Variants in ERC2 observed in about 807,000 individuals in gnomAD.
The protein encoded by ERC2 is ERC protein 2.
Under a neutral mutation model 114.8 loss-of-function variants are expected in ERC2, and 42 were observed. The observed-to-expected ratio is 0.37, with a 90% CI of 0.29 to 0.47. ERC2 has a LOEUF of 0.47. ERC2 is among the 20% of genes least tolerant of loss of function. The probability of loss-of-function intolerance (pLI) is 0.99; values close to 1 mark genes in which losing one functional copy is unlikely to be tolerated. For missense variants in ERC2, 939 were observed against 1,150.7 expected (o/e 0.82, Z 2.66); for synonymous variants, 454 against 425.5 (o/e 1.07, Z -0.82).
intron 2 of ERC2, among the ~76,000 whole-genome samples, chr3:56,364,388 T>C (rs1216932496): frequency 6.6e-6 from 1 of 152,192 alleles, no homozygotes; most frequent in Non-Finnish European, 1.5e-5. Flanking sequence ...TGGTTAAAAA[T>C]TTTATGTCAA....
At chr3:55,967,718 G>A (rs1334086969) in intron 12 of ERC2, among the ~76,000 whole-genome samples, 1 of 152,166 alleles carries the variant, frequency 6.6e-6, no homozygotes, top group Non-Finnish European at 1.5e-5. Context: ...TGGAAGGTGG[G>A]GGCCTAATGG....
chr3:55,839,560 GA>G (rs1321951885), intron 14 of ERC2, among the ~76,000 whole-genome samples: 1 of 151,372 alleles, frequency 6.6e-6, no homozygotes, highest in African/African-American at 2.4e-5. Flanking sequence ...AAGACAGAAA[GA>G]AAAAAATGGA....
intron 17 of ERC2, among the ~76,000 whole-genome samples, chr3:55,512,856 A>C (rs1313891938): frequency 6.6e-6 from 1 of 152,238 alleles, no homozygotes; most frequent in Non-Finnish European, 1.5e-5. Flanking sequence ...TCCATTCACC[A>C]GGAGGCCTAA....
intron 3 of ERC2, among the ~76,000 whole-genome samples, chr3:56,184,790 C>T (rs758634150): frequency 6.6e-6 from 1 of 152,144 alleles, no homozygotes; most frequent in South Asian, 2.1e-4. Context: ...CCTGATAGAA[C>T]CCCACTCATT....
rs1345138341 is a variant in ERC2, at chr3:56,050,994, A to G, written c.1641+29823T>C. Among the ~76,000 whole-genome samples, 10 of 152,330 alleles carry G rather than the reference A, an allele frequency of 6.6e-5. No homozygotes were observed. The East Asian group carries it at 1.7e-3, about 26-fold the overall frequency. ...TAGGGAAAGCACATGAGAAACTCATATAAGGATTTCACAGAGGAAAGCCCA... is the reference window on the plus strand; with the variant it reads ...TAGGGAAAGCACATGAGAAACTCATGTAAGGATTTCACAGAGGAAAGCCCA... On this transcript the variant is annotated intron_variant, in intron 7 of 17. Transcript: ENST00000288221.
intron 17 of ERC2, among the ~76,000 whole-genome samples, chr3:55,564,193 C>T (rs191078987): frequency 9.2e-5 from 14 of 152,008 alleles, no homozygotes; most frequent in Non-Finnish European, 2.1e-4. Flanking sequence ...GTTTTGAAGA[C>T]GGAGAGATCT....
At chr3:55,578,141 C>A (rs1283121073) in intron 17 of ERC2, among the ~76,000 whole-genome samples, 4 of 152,210 alleles carry the variant, frequency 2.6e-5, no homozygotes, top group African/African-American at 9.7e-5. Context: ...CATCTGACTT[C>A]TGCAGTGGTC....
intron 15 of ERC2, among the ~76,000 whole-genome samples, chr3:55,708,641 C>T (rs2063607246): frequency 6.6e-6 from 1 of 152,138 alleles, no homozygotes; most frequent in Non-Finnish European, 1.5e-5. Flanking sequence ...TCTTCTACTA[C>T]AGTGTGGAAA....
intron 17 of ERC2, among the ~76,000 whole-genome samples, chr3:55,634,269 C>G (rs2059868996): frequency 6.6e-6 from 1 of 152,156 alleles, no homozygotes; most frequent in South Asian, 2.1e-4. Context: ...CTTTATGTAT[C>G]CATGCATTCC....
chr3:56,061,216 G>A (rs2076229925), intron 7 of ERC2, among the ~76,000 whole-genome samples: 1 of 152,178 alleles, frequency 6.6e-6, no homozygotes, highest in Non-Finnish European at 1.5e-5. Flanking sequence ...TTTGCCCAAA[G>A]ATGTCTGAGC....
intron 2 of ERC2, among the ~76,000 whole-genome samples, chr3:56,420,787 G>A (rs1189730083): frequency 5.3e-5 from 8 of 151,632 alleles, no homozygotes; most frequent in African/African-American, 1.5e-4. Flanking sequence ...CTGGCTACTC[G>A]GGAGGCTGAT....
chr3:55,922,402 C>T lies in ERC2; in HGVS notation c.2403+28023G>A, dbSNP rs139147708. Among the ~76,000 whole-genome samples the T allele has an allele frequency of 4.1e-3, 630 of 152,012 alleles. 13 individuals are homozygous for T. The highest frequency in any genetic ancestry group is 0.038 in the Admixed American group (574 of 15,238). On this transcript the variant is annotated intron_variant, in intron 13 of 17. Transcript: ENST00000288221. ...TGAGGCTTTGGAGCCTTGCAAGGGG[C>T]TTATTTTAAACAGAAATCCAGCGGA...
At chr3:56,344,032 A>C (rs73090532) in intron 2 of ERC2, among the ~76,000 whole-genome samples, 9,416 of 152,224 alleles carry the variant, frequency 0.062, 426 homozygotes, top group African/African-American at 0.12. Flanking sequence ...TCACCCACCT[A>C]TGCCTATGTT....
chr3:55,885,138 A>C (rs936740647), intron 14 of ERC2, among the ~76,000 whole-genome samples: 1 of 152,214 alleles, frequency 6.6e-6, no homozygotes, highest in African/African-American at 2.4e-5. Flanking sequence ...GACCTGACCT[A>C]AAGATGCCTG....
intron 6 of ERC2, among the ~76,000 whole-genome samples, chr3:56,126,444 A>T (rs1202310962): frequency 2.0e-5 from 3 of 152,198 alleles, no homozygotes; most frequent in Non-Finnish European, 4.4e-5. Flanking sequence ...GCATAGAAGG[A>T]ATGGACTCCA....
At chr3:55,779,450 G>T (rs1490116698) in intron 14 of ERC2, among the ~76,000 whole-genome samples, 1 of 151,452 alleles carries the variant, frequency 6.6e-6, no homozygotes, top group South Asian at 2.1e-4. Flanking sequence ...GCAGTGAGCC[G>T]AGATTGCGCT....
intron 14 of ERC2, among the ~76,000 whole-genome samples, chr3:55,886,284 C>G (rs931322861): frequency 9.9e-5 from 15 of 152,116 alleles, no homozygotes; most frequent in African/African-American, 3.6e-4. Flanking sequence ...CAAAAAACAT[C>G]ATATGATAAA....
At chr3:56,231,770 T>C (rs1456995166) in intron 3 of ERC2, among the ~76,000 whole-genome samples, 3 of 152,100 alleles carry the variant, frequency 2.0e-5, no homozygotes, top group Non-Finnish European at 4.4e-5. Context: ...AAAAATAATA[T>C]TAAAATTGTC....
At chr3:55,586,622 T>C (rs2057618300) in intron 17 of ERC2, among the ~76,000 whole-genome samples, 1 of 152,206 alleles carries the variant, frequency 6.6e-6, no homozygotes, top group Non-Finnish European at 1.5e-5. Context: ...AATCTAATGA[T>C]CCAAACATTT....
Sources: allele counts gnomAD v4.1 joint callset (sites outside exome capture counted in the v4.1 genomes callset), GRCh38; gene constraint gnomAD v4.1.1; transcripts MANE v1.5; gene names NCBI Gene and HGNC (gene_info 2026-07-23, HGNC 2026-07-21).